The following UTRN variants were observed in gnomAD, a reference collection of about 807,000 sequenced individuals.
UTRN encodes the protein utrophin.
In UTRN, 283 loss-of-function variants were observed where a neutral mutation model predicts 463.9. That is an observed-to-expected ratio of 0.61 (90% CI 0.55 to 0.67). The LOEUF (loss-of-function observed/expected upper bound fraction) is 0.67, where lower values mean the gene tolerates loss of function less well. Ranked by LOEUF, UTRN falls within the 30% of genes least tolerant of loss-of-function variation. UTRN has a pLI of 0.00. For missense variants in UTRN, 3,922 were observed against 4,084.3 expected (o/e 0.96, Z 1.08); for synonymous variants, 1,442 against 1,431.5 (o/e 1.01, Z -0.17).
At chr6:144,459,043 A>T (rs758093051) in intron 20 of UTRN, 32 bp downstream of exon 20, 1 of 1,577,236 alleles carries the variant, frequency 6.3e-7, no homozygotes, top group African/African-American at 1.4e-5. Flanking sequence ...AAGTGGAGGA[A>T]TTCTATGTGC....
intron 40 of UTRN, 40 bp downstream of exon 40, chr6:144,522,211 T>C: frequency 1.4e-6 from 2 of 1,401,004 alleles, no homozygotes; most frequent in South Asian, 2.0e-5. Flanking sequence ...CCACAGTTAA[T>C]GTAGAAGTAG....
chr6:144,817,955 T>G (rs1779230866), intron 65 of UTRN, among the ~76,000 whole-genome samples: 1 of 152,186 alleles, frequency 6.6e-6, no homozygotes, highest in African/African-American at 2.4e-5. Flanking sequence ...AGTAGTTGTT[T>G]GTTATTTTGT....
intron 61 of UTRN, among the ~76,000 whole-genome samples, chr6:144,784,104 A>G (rs1776094269): frequency 6.6e-6 from 1 of 152,204 alleles, no homozygotes; most frequent in South Asian, 2.1e-4. Context: ...TCCCAGGAAA[A>G]TTGCTAAATT....
chr6:144,821,160 C>A, intron 66 of UTRN, 142 bp downstream of exon 66: 1 of 1,094,318 alleles, frequency 9.1e-7, no homozygotes, highest in Non-Finnish European at 1.2e-6. Flanking sequence ...GTCTTCACAA[C>A]ATGAATTTTT....
At chr6:144,546,460 A>T (rs1366300588) in intron 46 of UTRN, among the ~76,000 whole-genome samples, 1 of 152,230 alleles carries the variant, frequency 6.6e-6, no homozygotes, top group Non-Finnish European at 1.5e-5. Flanking sequence ...GTTTAAAAAT[A>T]ATAATAAAGC....
chr6:144,679,915 A>G (rs1782040234), intron 52 of UTRN, among the ~76,000 whole-genome samples: 1 of 152,188 alleles, frequency 6.6e-6, no homozygotes, highest in Non-Finnish European at 1.5e-5. Context: ...CCATTGGGAA[A>G]TACAATAGGT....
At chr6:144,538,560 C>T (rs13205040) in intron 44 of UTRN, among the ~76,000 whole-genome samples, 20,899 of 151,370 alleles carry the variant, frequency 0.14, 1,765 homozygotes, top group Middle Eastern at 0.25. Flanking sequence ...GTCTCAGCTA[C>T]TCGGGAGGCT....
chr6:144,493,492 T>C, intron 33 of UTRN, 36 bp downstream of exon 33: 1 of 1,500,840 alleles, frequency 6.7e-7, no homozygotes, highest in Non-Finnish European at 9.0e-7. Flanking sequence ...TCTCTCTGTC[T>C]CTCTCTCTCT....
chr6:144,297,097 A>G (rs1305073793), intron 2 of UTRN, among the ~76,000 whole-genome samples: 1 of 152,136 alleles, frequency 6.6e-6, no homozygotes, highest in Non-Finnish European at 1.5e-5. Flanking sequence ...AGTTAAAAAA[A>G]AAAAAGGTAG....
At chr6:144,678,915 C>T (rs964976986) in intron 52 of UTRN, among the ~76,000 whole-genome samples, 5 of 151,954 alleles carry the variant, frequency 3.3e-5, no homozygotes, top group Admixed American at 6.6e-5. Context: ...TACTTTATTT[C>T]GTAATCAAAA....
chr6:144,569,061 G>A (rs1264753745), intron 50 of UTRN, among the ~76,000 whole-genome samples: 2 of 152,072 alleles, frequency 1.3e-5, no homozygotes, highest in African/African-American at 4.8e-5. Flanking sequence ...AGTTCCTTGA[G>A]AATGGATAAA....
rs71028314 is a variant in UTRN, at chr6:144,824,572, TTATATATATATATATATATATATA to T, written c.9495-2758_9495-2735del. Among the ~76,000 whole-genome samples the T allele has an allele frequency of 3.7e-4, 14 of 37,902 alleles. 1 individual carries two copies. The highest frequency in any genetic ancestry group is 6.3e-4 in the Non-Finnish European group (13 of 20,782). 24.9% of individuals were successfully genotyped at this position (37,902 alleles called of 152,430 possible). A position where few individuals can be genotyped will look rare whatever the true frequency, so the allele number is the denominator to read the frequency against. Reference sequence around the variant, plus strand: ...TATATATATTAATATAGCATTTTATTTATATATATATATATATATATATATATATATATATATATATCTTTTTTT... The same window carrying T: ...TATATATATTAATATAGCATTTTATTTATATATATATATATATCTTTTTTT... On this transcript the variant is annotated intron_variant, in intron 66 of 74. Transcript: ENST00000367545.
intron 51 of UTRN, among the ~76,000 whole-genome samples, chr6:144,647,125 G>T (rs1778383102): frequency 6.6e-6 from 1 of 152,020 alleles, no homozygotes; most frequent in Non-Finnish European, 1.5e-5. Flanking sequence ...TACTCAGTTT[G>T]GTATTTGTTT....
chr6:144,653,632 G>A (rs1353436243), intron 51 of UTRN, among the ~76,000 whole-genome samples: 1 of 151,242 alleles, frequency 6.6e-6, no homozygotes, highest in Non-Finnish European at 1.5e-5. Flanking sequence ...TAGTTGTACA[G>A]CATTTCATTA....
At chr6:144,368,762 G>A (rs927903462) in intron 2 of UTRN, among the ~76,000 whole-genome samples, 16 of 150,968 alleles carry the variant, frequency 1.1e-4, no homozygotes, top group South Asian at 4.2e-4. Flanking sequence ...CAACTCCGTC[G>A]CAAAAAAAGA....
intron 2 of UTRN, chr6:144,344,269 G>GCTT: frequency 7.7e-7 from 1 of 1,304,100 alleles, no homozygotes. Context: ...GATTTGCCAG[G>GCTT]GCATGTAGCT....
intron 2 of UTRN, among the ~76,000 whole-genome samples, chr6:144,370,688 A>G (rs1779904945): frequency 6.6e-6 from 1 of 152,176 alleles, no homozygotes. Flanking sequence ...TGCACCTGGA[A>G]AAGCCACAGA....
Position 144,577,092 on chromosome 6 carries a change from C to T in UTRN, c.7290-7C>T, listed in dbSNP as rs765139404. On this transcript the variant is annotated splice_polypyrimidine_tract_variant and splice_region_variant and intron_variant, in intron 50 of 74. Transcript: ENST00000367545. ...ATGGAGCCGTGCTGTCATATTGTTA[C>T]TTTCAGTATTGCTGACAGACAGAAC... The T allele has an allele frequency of 7.3e-5, 118 of 1,611,936 alleles. 2 individuals carry two copies. In the South Asian group the frequency reaches 1.2e-3, roughly 17 times the overall value.
At chr6:144,503,040 A>G (rs150070868) in intron 34 of UTRN, among the ~76,000 whole-genome samples, 636 of 152,272 alleles carry the variant, frequency 4.2e-3, no homozygotes, top group Middle Eastern at 0.024. Flanking sequence ...TTGGCCACAT[A>G]AATGTCTTCT....
Sources: allele counts gnomAD v4.1 joint callset (sites outside exome capture counted in the v4.1 genomes callset), GRCh38; gene constraint gnomAD v4.1.1; transcripts MANE v1.5; gene names NCBI Gene and HGNC (gene_info 2026-07-23, HGNC 2026-07-21).